The following NUP98 variants were observed in gnomAD, a reference collection of about 807,000 sequenced individuals.
NUP98 encodes the protein nucleoporin 98 and 96 precursor.
NUP98 carries 26 observed loss-of-function variants against 191.9 expected under a neutral mutation model. That is an observed-to-expected ratio of 0.14 (90% CI 0.10 to 0.19). The LOEUF (loss-of-function observed/expected upper bound fraction) is 0.19. Among genes scored for constraint, NUP98 ranks in the 10% least tolerant of loss-of-function variants. NUP98 has a pLI of 1.00. For synonymous variants in NUP98, 808 were observed against 778.4 expected, an observed-to-expected ratio of 1.04 and a Z score of -0.63; for missense variants, 1,941 against 2,178.8, an observed-to-expected ratio of 0.89 and a Z score of 2.17.
intron 10 of NUP98, among the ~76,000 whole-genome samples, chr11:3,758,121 T>C (rs974746360): frequency 1.3e-5 from 2 of 150,960 alleles, no homozygotes; most frequent in Admixed American, 6.6e-5. Flanking sequence ...ATCGAGACCA[T>C]CCTGGCTAAC....
intron 29 of NUP98, among the ~76,000 whole-genome samples, chr11:3,684,394 A>T (rs1257723450): frequency 2.0e-5 from 3 of 152,150 alleles, no homozygotes; most frequent in Non-Finnish European, 4.4e-5. Flanking sequence ...GATCAAAACT[A>T]TTCTCATTAT....
At chr11:3,730,208 C>A (rs759576397) in intron 14 of NUP98, among the ~76,000 whole-genome samples, 13 of 151,930 alleles carry the variant, frequency 8.6e-5, no homozygotes, top group Non-Finnish European at 1.3e-4. Context: ...GCACTCCAGC[C>A]TGGGTAACAG....
At chr11:3,699,428 G>A in intron 24 of NUP98, 80 bp from the exon 25 acceptor site, 2 of 1,468,660 alleles carry the variant, frequency 1.4e-6, no homozygotes, top group Non-Finnish European at 1.9e-6. Flanking sequence ...TAACTGTGAT[G>A]TTAAAAATAC....
chr11:3,698,188 A>C (rs1470945918), intron 25 of NUP98, among the ~76,000 whole-genome samples: 1 of 152,230 alleles, frequency 6.6e-6, no homozygotes, highest in African/African-American at 2.4e-5. Flanking sequence ...TATAATACAC[A>C]GCAGGATATC....
intron 14 of NUP98, among the ~76,000 whole-genome samples, chr11:3,726,481 G>C (rs1048099372): frequency 6.7e-6 from 1 of 148,354 alleles, no homozygotes; most frequent in Non-Finnish European, 1.5e-5. Flanking sequence ...AAAAGTCAAT[G>C]TTGGGAATGA....
Position 3,686,194 on chromosome 11 carries a change from T to C in NUP98, c.4455A>G (p.Arg1485=). The C allele has an allele frequency of 2.5e-6, 4 of 1,614,184 alleles. 1 individual carries two copies. The South Asian group carries it at 4.4e-5, about 18-fold the overall frequency. The change falls in exon 29 of 33, where the codon AGA becomes AGG. Residue 1485 remains arginine, a splice_region_variant and synonymous_variant. Coordinates refer to ENST00000324932, the MANE Select transcript of NUP98 (RefSeq NM_016320.5). ...CFHLLKLYSD[R]HYDLNQLLEP... is the part of the protein sequence containing the mutation. ...CCAGCAGCTGGTTGAGATCATAATG[T>C]CTGCAAAGAACGTGTTGAGAGTCAA...
chr11:3,783,595 A>C (rs1170648255), intron 1 of NUP98, among the ~76,000 whole-genome samples: 1 of 152,158 alleles, frequency 6.6e-6, no homozygotes, highest in Non-Finnish European at 1.5e-5. Context: ...GCTATTTGGG[A>C]GGCTGAGGCA....
At chr11:3,727,747 G>C (rs2079676819) in intron 14 of NUP98, among the ~76,000 whole-genome samples, 1 of 152,076 alleles carries the variant, frequency 6.6e-6, no homozygotes, top group African/African-American at 2.4e-5. Context: ...ATATCAGCCA[G>C]GGACAATGGC....
intron 1 of NUP98, among the ~76,000 whole-genome samples, chr11:3,797,076 G>A (rs2082669660): frequency 6.6e-6 from 1 of 152,188 alleles, no homozygotes. Context: ...CGCTGACCCC[G>A]GAAAGGCCAG....
intron 1 of NUP98, among the ~76,000 whole-genome samples, chr11:3,796,473 C>T (rs891424647): frequency 2.0e-5 from 3 of 152,322 alleles, no homozygotes; most frequent in South Asian, 4.1e-4. Context: ...GTTCTTTAAC[C>T]ATCTTCTAAG....
At chr11:3,778,198 C>CAAAAAAAAAAAAA (rs71302029) in intron 4 of NUP98, among the ~76,000 whole-genome samples, 1 of 60,542 alleles carries the variant, frequency 1.7e-5, no homozygotes, top group Non-Finnish European at 3.3e-5. Flanking sequence ...GACTCCATCT[C>CAAAAAAAAAAAAA]AAAAAAAAAA....
Position 3,713,199 on chromosome 11 carries a change from T to A in NUP98, c.2578-471A>T, listed in dbSNP as rs1221325714. On this transcript the variant is annotated intron_variant, in intron 19 of 32. Coordinates refer to ENST00000324932, the MANE Select transcript of NUP98 (RefSeq NM_016320.5). ...ATGACAATTACATAGGAAGAGTTGA[T>A]CCAATAGACACCTGCCTGATGAATT... Among the ~76,000 whole-genome samples the A allele has an allele frequency of 2.6e-5, 4 of 152,268 alleles. No homozygotes were observed. The East Asian group carries it at 7.7e-4, about 29-fold the overall frequency.
chr11:3,782,196 T>C (rs1171177679), intron 1 of NUP98, 51 bp from the exon 2 acceptor site: 3 of 985,920 alleles, frequency 3.0e-6, no homozygotes, highest in Non-Finnish European at 4.6e-6. Context: ...AAATGGAATA[T>C]AATTGTTTTA....
At chr11:3,745,686 G>T (rs1378004298) in intron 11 of NUP98, among the ~76,000 whole-genome samples, 1 of 152,028 alleles carries the variant, frequency 6.6e-6, no homozygotes, top group South Asian at 2.1e-4. Context: ...AGTCCTGGGC[G>T]AAAGTAATCC....
intron 10 of NUP98, among the ~76,000 whole-genome samples, chr11:3,754,076 A>C (rs1406399475): frequency 6.6e-6 from 1 of 152,216 alleles, no homozygotes; most frequent in Non-Finnish European, 1.5e-5. Flanking sequence ...AAAGCTTTCA[A>C]TGCAAGTTTC....
chr11:3,750,757 G>C (rs750243642), intron 11 of NUP98, among the ~76,000 whole-genome samples: 1 of 151,934 alleles, frequency 6.6e-6, no homozygotes, highest in Non-Finnish European at 1.5e-5. Flanking sequence ...ATCTCATTCA[G>C]CTGCTTGAGT....
At chr11:3,686,405 A>G (rs1381638178) in intron 28 of NUP98, among the ~76,000 whole-genome samples, 1 of 152,174 alleles carries the variant, frequency 6.6e-6, no homozygotes, top group Admixed American at 6.5e-5. Flanking sequence ...CTTCTCTTCT[A>G]AGGTTGTGTG....
intron 12 of NUP98, among the ~76,000 whole-genome samples, chr11:3,736,190 C>T (rs1222335210): frequency 1.3e-5 from 2 of 152,004 alleles, no homozygotes; most frequent in Non-Finnish European, 2.9e-5. Flanking sequence ...CCTTGGCCTC[C>T]CAAAATGCCA....
chr11:3,714,088 T>C (rs2079102248), intron 18 of NUP98, 93 bp from the exon 19 acceptor site: 6 of 1,210,662 alleles, frequency 5.0e-6, no homozygotes, highest in Non-Finnish European at 6.0e-6. Flanking sequence ...TAGTGAATAA[T>C]GGTAACTATG....
Sources: gnomAD v4.1 joint callset for allele counts (sites outside exome capture counted in the v4.1 genomes callset) on GRCh38, gnomAD v4.1.1 for gene constraint, MANE v1.5 for transcripts, NCBI Gene and HGNC (gene_info 2026-07-23, HGNC 2026-07-21) for gene names.